KLRB1: variants seen among roughly 807,000 people sequenced by gnomAD.
The protein encoded by KLRB1 is killer cell lectin-like receptor subfamily B member 1.
KLRB1 carries 27 observed loss-of-function variants against 33.5 expected under a neutral mutation model. That is an observed-to-expected ratio of 0.81 (90% CI 0.59 to 1.11). The LOEUF (loss-of-function observed/expected upper bound fraction) is 1.11, where lower values mean the gene tolerates loss of function less well. KLRB1 is among the 50% of genes most tolerant of loss of function. KLRB1 has a pLI of 0.00. For synonymous variants in KLRB1, 64 were observed against 88.9 expected, an observed-to-expected ratio of 0.72 and a Z score of 1.58; for missense variants, 241 against 254.1, an observed-to-expected ratio of 0.95 and a Z score of 0.35.
At chr12:9,603,961 C>G (rs1864573141) in intron 1 of KLRB1, among the ~76,000 whole-genome samples, 1 of 151,710 alleles carries the variant, frequency 6.6e-6, no homozygotes, top group African/African-American at 2.4e-5. Flanking sequence ...ATGCTGGGCA[C>G]AGTGTCTGGC....
At chr12:9,598,235 A>C in intron 4 of KLRB1, 74 bp from the exon 5 acceptor site, 1 of 926,058 alleles carries the variant, frequency 1.1e-6, no homozygotes, top group Non-Finnish European at 1.7e-6. Context: ...TAGTTCAAGC[A>C]TCACCTCATC....
Position 9,600,806 on chromosome 12 carries a change from G to C in KLRB1, c.184+695C>G, listed in dbSNP as rs752915594. Among the ~76,000 whole-genome samples the C allele has an allele frequency of 1.3e-4, 19 of 151,372 alleles. No individual in the cohort carries two copies. The East Asian group carries it at 3.7e-3, about 30-fold the overall frequency. ...CCTAGGAAAGCCAGGTATTGTCCAAGGTTTCTCCCCATGTGATAGTCTGAA... is the reference window on the plus strand; with the variant it reads ...CCTAGGAAAGCCAGGTATTGTCCAACGTTTCTCCCCATGTGATAGTCTGAA... On this transcript the variant is annotated intron_variant, in intron 2 of 5. Coordinates refer to ENST00000229402, the MANE Select transcript of KLRB1 (RefSeq NM_002258.3).
chr12:9,602,496 A>G (rs904474418), intron 1 of KLRB1, among the ~76,000 whole-genome samples: 5 of 152,124 alleles, frequency 3.3e-5, no homozygotes, highest in African/African-American at 1.2e-4. Context: ...TCTGATAAGG[A>G]ATTATTCTGG....
At chr12:9,601,307 C>A (rs761472467) in intron 2 of KLRB1, among the ~76,000 whole-genome samples, 194 bp downstream of exon 2, 1 of 151,180 alleles carries the variant, frequency 6.6e-6, no homozygotes, top group South Asian at 2.1e-4. Context: ...ATATGCTGAA[C>A]GCTGGTTCCC....
rs1565444162 is a variant in KLRB1, at chr12:9,606,715, TAAAA to T, written c.85+1036_85+1039del. On this transcript the variant is annotated intron_variant, in intron 1 of 5. Transcript: ENST00000229402. ...AGTATATATATATATATAAAATATATAAAATATATGTATAAAAAGTATATATATA... is the reference window on the plus strand; with the variant it reads ...AGTATATATATATATATAAAATATATTATATGTATAAAAAGTATATATATA... Among the ~76,000 whole-genome samples, 59 of 51,642 alleles carry T rather than the reference TAAAA, an allele frequency of 1.1e-3. 6 individuals carry two copies. The East Asian group carries it at 0.022, about 20-fold the overall frequency. 33.9% of individuals were successfully genotyped at this position (51,642 alleles called of 152,430 possible).
intron 3 of KLRB1, among the ~76,000 whole-genome samples, chr12:9,599,102 C>T (rs760186080): frequency 2.6e-5 from 4 of 152,270 alleles, no homozygotes; most frequent in African/African-American, 7.2e-5. Context: ...GCACAAAATG[C>T]ATAGCAAATA....
At chr12:9,607,283 T>C (rs1195720614) in intron 1 of KLRB1, among the ~76,000 whole-genome samples, 2 of 122,992 alleles carry the variant, frequency 1.6e-5, no homozygotes, top group African/African-American at 6.7e-5. Context: ...TTTCTCTCTC[T>C]TTCTTTTTCT....
intron 1 of KLRB1, among the ~76,000 whole-genome samples, chr12:9,607,364 C>CTTTCTTTCTTTCTTTA (rs1864627264): frequency 1.5e-5 from 1 of 66,494 alleles, no homozygotes; most frequent in Non-Finnish European, 3.3e-5. Flanking sequence ...TCCTTTCTTT[C>CTTTCTTTCTTTCTTTA]TTTCTTTCTT....
intron 1 of KLRB1, among the ~76,000 whole-genome samples, chr12:9,603,060 G>T (rs1230560020): frequency 6.6e-6 from 1 of 152,202 alleles, no homozygotes; most frequent in Non-Finnish European, 1.5e-5. Flanking sequence ...TGGGGTCAGG[G>T]TTGTAACATA....
chr12:9,598,653 T>C lies in KLRB1; in HGVS notation c.260A>G (p.Glu87Gly), dbSNP rs1418735012. Residue 87 changes from glutamate to glycine, a missense_variant and splice_region_variant, in exon 4 of 6, where the codon GAG becomes GGG. Coordinates refer to ENST00000229402, the MANE Select transcript of KLRB1 (RefSeq NM_002258.3). The stretch of plus-strand genomic sequence containing the variant: ...TGGGCAGTTTAAGAGACCCGGTCTC[T>C]CTAAAGTAAAAAACAGAAATAAGAA... ...DIQQSRNKTT[E>G]RPGLLNCPIY... 2 of 1,600,462 alleles carry C rather than the reference T, an allele frequency of 1.2e-6. No individual in the cohort carries two copies.
At position 9,601,485 on chromosome 12, in the gene KLRB1, A is replaced by G. The variant is rs1864541005; in HGVS notation, c.184+16T>C. ...TAGAGTAAGTATTATGAAACAGATG[A>G]TGGTGCCCCACTTACCTGAAACACT... On this transcript the variant is annotated intron_variant, in intron 2 of 5. Transcript: ENST00000229402. 3 of 1,556,462 alleles carry G rather than the reference A, an allele frequency of 1.9e-6. No homozygotes were observed. Among genetic ancestry groups the G allele is most frequent in the Non-Finnish European group, 2.7e-6 (3 of 1,127,704 alleles).
chr12:9,594,765 GGCT>G lies in KLRB1; in HGVS notation c.*506_*508del, dbSNP rs141026008. Reference sequence around the variant, plus strand: ...ACTAGGAGATATATTGGTTGCGGGGGGCTGTAAAATAGGTGAAAGATAGGTGTT... The same window carrying G: ...ACTAGGAGATATATTGGTTGCGGGGGGTAAAATAGGTGAAAGATAGGTGTT... On this transcript the variant is annotated 3_prime_UTR_variant, in exon 6 of 6. Transcript: ENST00000229402. The G allele has an allele frequency of 0.11, 16,919 of 152,158 alleles. 1,978 individuals carry two copies. The highest frequency in any genetic ancestry group is 0.3 in the African/African-American group (12,390 of 41,366). The allele number at this position is 152,158 out of a possible 1,614,324, so 9.4% of individuals were successfully genotyped here.
rs2058429 is a variant in KLRB1, at chr12:9,594,870, T to G, written c.*404A>C. The G allele has an allele frequency of 1.2e-5, 2 of 161,830 alleles. No homozygotes were observed. Among genetic ancestry groups the G allele is most frequent in the East Asian group, 3.5e-4 (2 of 5,638 alleles). 10.0% of individuals were successfully genotyped at this position (161,830 alleles called of 1,614,324 possible). A position where few individuals can be genotyped will look rare whatever the true frequency, so the allele number is the denominator to read the frequency against. Reference sequence around the variant, plus strand: ...GCGATAAGAGCTATTTTCTTGCCCTTGTATGACTCGGATAGCCCTCCCAGA... The same window carrying G: ...GCGATAAGAGCTATTTTCTTGCCCTGGTATGACTCGGATAGCCCTCCCAGA... On this transcript the variant is annotated 3_prime_UTR_variant, in exon 6 of 6. Coordinates refer to ENST00000229402, the MANE Select transcript of KLRB1 (RefSeq NM_002258.3).
At chr12:9,599,668 A>G in intron 3 of KLRB1, 99 bp downstream of exon 3, 6 of 821,392 alleles carry the variant, frequency 7.3e-6, no homozygotes, top group Non-Finnish European at 1.3e-5. Context: ...TGATAAGAAT[A>G]TCTTAACATA....
intron 1 of KLRB1, among the ~76,000 whole-genome samples, chr12:9,606,775 T>TGAGATAGTCTTGCTGTG (rs1864611117): frequency 8.0e-6 from 1 of 124,258 alleles, no homozygotes; most frequent in African/African-American, 2.8e-5. Flanking sequence ...TTTTTTTTTT[T>TGAGATAGTCTTGCTGTG]TGAGATAGTC....
chr12:9,599,991 AAAAAAG>A, intron 2 of KLRB1, 150 bp from the exon 3 acceptor site: 2 of 566,034 alleles, frequency 3.5e-6, no homozygotes, highest in Admixed American at 3.3e-5. Context: ...AAAAAAAAAA[AAAAAAG>A]ATCTCACCTA....
At chr12:9,604,837 T>A (rs1418487503) in intron 1 of KLRB1, among the ~76,000 whole-genome samples, 4 of 152,310 alleles carry the variant, frequency 2.6e-5, no homozygotes, top group Non-Finnish European at 4.4e-5. Context: ...TCCATTTTTT[T>A]AATTTTTATT....
At chr12:9,598,197 T>C in intron 4 of KLRB1, 36 bp from the exon 5 acceptor site, 1 of 1,351,220 alleles carries the variant, frequency 7.4e-7, no homozygotes, top group Non-Finnish European at 1.1e-6. Flanking sequence ...AATCTGCTTA[T>C]CTATTCCTGG....
At chr12:9,607,337 T>TTCCTTCCTGCC (rs1864622723) in intron 1 of KLRB1, among the ~76,000 whole-genome samples, 1 of 47,934 alleles carries the variant, frequency 2.1e-5, no homozygotes, top group African/African-American at 5.8e-5. Flanking sequence ...CTTTCTTTCC[T>TTCCTTCCTGCC]TTCTTTCTTT....
Sources: gnomAD v4.1 joint callset for allele counts (sites outside exome capture counted in the v4.1 genomes callset) on GRCh38, gnomAD v4.1.1 for gene constraint, MANE v1.5 for transcripts, NCBI Gene and HGNC (gene_info 2026-07-23, HGNC 2026-07-21) for gene names.